CDH18: variants seen among roughly 807,000 people sequenced by gnomAD.
The protein encoded by CDH18 is cadherin-18.
CDH18 carries 31 observed loss-of-function variants against 67.9 expected under a neutral mutation model. The ratio of observed to expected loss-of-function variants is 0.46; its 90% CI spans 0.34 to 0.62. The LOEUF is 0.62. CDH18 is among the 20% of genes least tolerant of loss of function. The probability of loss-of-function intolerance (pLI) is 0.01; values close to 1 mark genes in which losing one functional copy is unlikely to be tolerated. For missense variants in CDH18, 890 were observed against 975.5 expected (o/e 0.91, Z 1.17); for synonymous variants, 362 against 347.2 (o/e 1.04, Z -0.48).
chr5:19,761,006 C>T (rs1581230715), intron 3 of CDH18, among the ~76,000 whole-genome samples: 1 of 152,168 alleles, frequency 6.6e-6, no homozygotes, highest in East Asian at 1.9e-4. Flanking sequence ...ACAAACCCAG[C>T]ATCCCCAGGT....
intron 1 of CDH18, among the ~76,000 whole-genome samples, chr5:20,438,918 A>T (rs2150187262): frequency 6.6e-6 from 1 of 151,706 alleles, no homozygotes; most frequent in African/African-American, 2.4e-5. Context: ...AATCATTTGT[A>T]AAATGAAAAT....
intron 10 of CDH18, among the ~76,000 whole-genome samples, chr5:19,519,905 A>T (rs1448117349): frequency 6.6e-6 from 1 of 152,148 alleles, no homozygotes; most frequent in African/African-American, 2.4e-5. Context: ...GCCCTAGCAG[A>T]CACCTTGATT....
chr5:19,974,684 C>T (rs1798342712), intron 2 of CDH18, among the ~76,000 whole-genome samples: 1 of 152,090 alleles, frequency 6.6e-6, no homozygotes, highest in Non-Finnish European at 1.5e-5. Context: ...AGGCATTGTC[C>T]TTCATTATAA....
At chr5:20,240,275 A>G (rs534023155) in intron 2 of CDH18, among the ~76,000 whole-genome samples, 19 of 75,244 alleles carry the variant, frequency 2.5e-4, no homozygotes, top group African/African-American at 1.6e-3. Flanking sequence ...TAGCAGTACT[A>G]AAAAAAAGTT....
chr5:20,299,403 TACACACACACACACACACACACAC>T (rs56003449), intron 1 of CDH18, among the ~76,000 whole-genome samples: 1 of 138,692 alleles, frequency 7.2e-6, no homozygotes, highest in African/African-American at 2.7e-5. Context: ...CAACATTAGC[TACACACACACACACACACACACAC>T]ACACACACAC....
intron 2 of CDH18, among the ~76,000 whole-genome samples, chr5:19,894,468 G>T (rs1789092180): frequency 6.6e-6 from 1 of 151,680 alleles, no homozygotes; most frequent in South Asian, 2.1e-4. Context: ...TAAGTCACTA[G>T]GATTAAGTAA....
intron 5 of CDH18, among the ~76,000 whole-genome samples, chr5:19,624,722 T>C (rs936136973): frequency 3.3e-5 from 5 of 152,106 alleles, no homozygotes; most frequent in African/African-American, 1.2e-4. Flanking sequence ...GGAGAGCAAG[T>C]TTTTCCCTAA....
chr5:20,477,909 C>T (rs1471698621), intron 1 of CDH18, among the ~76,000 whole-genome samples: 1 of 152,104 alleles, frequency 6.6e-6, no homozygotes, highest in Admixed American at 6.5e-5. Context: ...ACTTGGATAT[C>T]AGCTCAGTTG....
At chr5:20,030,740 A>G (rs1018836874) in intron 2 of CDH18, among the ~76,000 whole-genome samples, 5 of 152,208 alleles carry the variant, frequency 3.3e-5, no homozygotes, top group African/African-American at 1.2e-4. Context: ...GTTGTATAAT[A>G]TTAGGAATTA....
intron 1 of CDH18, chr5:20,305,464 C>A: frequency 7.2e-7 from 1 of 1,395,576 alleles, no homozygotes. Flanking sequence ...CGAACCTCCT[C>A]AGCGGCCGCC....
At chr5:19,719,956 A>AGAAAGAAAGAAG in intron 5 of CDH18, among the ~76,000 whole-genome samples, 2 of 147,004 alleles carry the variant, frequency 1.4e-5, no homozygotes, top group South Asian at 2.2e-4. Flanking sequence ...AAAGAAAGAA[A>AGAAAGAAAGAAG]GAAGGAAAGA....
chr5:19,794,776 T>C (rs1223390574), intron 3 of CDH18, among the ~76,000 whole-genome samples: 4 of 152,152 alleles, frequency 2.6e-5, no homozygotes, highest in Admixed American at 2.0e-4. Context: ...AATATGATAA[T>C]TCAATGTGTG....
At chr5:20,160,766 T>C (rs1345680042) in intron 2 of CDH18, among the ~76,000 whole-genome samples, 1 of 152,198 alleles carries the variant, frequency 6.6e-6, no homozygotes, top group Non-Finnish European at 1.5e-5. Context: ...TTTGTTTCAG[T>C]TATTTACTCA....
chr5:20,099,203 G>A (rs1746247771), intron 2 of CDH18, among the ~76,000 whole-genome samples: 1 of 152,150 alleles, frequency 6.6e-6, no homozygotes, highest in African/African-American at 2.4e-5. Context: ...ACACCAAAAT[G>A]CTGTTTTTCC....
intron 1 of CDH18, among the ~76,000 whole-genome samples, chr5:20,504,864 T>C (rs570368097): frequency 3.5e-4 from 52 of 149,086 alleles, no homozygotes; most frequent in Admixed American, 7.5e-4. Flanking sequence ...GCCTCCCAGG[T>C]TCATGCCGTT....
chr5:19,904,379 A>C (rs890969116), intron 2 of CDH18, among the ~76,000 whole-genome samples: 2 of 23,032 alleles, frequency 8.7e-5, no homozygotes, highest in East Asian at 1.4e-3. Flanking sequence ...TGGAGAGGGG[A>C]GGGGGAGGGG....
intron 2 of CDH18, among the ~76,000 whole-genome samples, chr5:20,056,473 C>CTTTTTTTTTTTTT (rs1561754004): frequency 1.3e-3 from 17 of 13,530 alleles, no homozygotes; most frequent in South Asian, 3.1e-3. Context: ...TATTTTCTTT[C>CTTTTTTTTTTTTT]TTTTGTTTTT....
At chr5:20,298,139 C>A (rs1580695519) in intron 1 of CDH18, among the ~76,000 whole-genome samples, 1 of 151,994 alleles carries the variant, frequency 6.6e-6, no homozygotes, top group African/African-American at 2.4e-5. Flanking sequence ...GTGGGCAGAA[C>A]CAAGACCTTT....
At chr5:19,903,175 C>A (rs1036356759) in intron 2 of CDH18, among the ~76,000 whole-genome samples, 2 of 151,766 alleles carry the variant, frequency 1.3e-5, no homozygotes, top group Non-Finnish European at 2.9e-5. Flanking sequence ...TGATAAACAT[C>A]TCCACATCAT....
Sources: allele counts gnomAD v4.1 joint callset (sites outside exome capture counted in the v4.1 genomes callset), GRCh38; gene constraint gnomAD v4.1.1; transcripts MANE v1.5; gene names NCBI Gene and HGNC (gene_info 2026-07-23, HGNC 2026-07-21).